Variants in WDFY4 observed in about 807,000 individuals in gnomAD.
The protein encoded by WDFY4 is WD repeat- and FYVE domain-containing protein 4.
Under a neutral mutation model 351.9 loss-of-function variants are expected in WDFY4, and 169 were observed. The observed-to-expected ratio is 0.48, with a 90% CI of 0.42 to 0.55. The LOEUF is 0.55. Ranked by LOEUF, WDFY4 falls within the 20% of genes least tolerant of loss-of-function variation. The pLI, the probability that WDFY4 is intolerant of heterozygous loss-of-function variation, is 0.00. For missense variants in WDFY4, 3,803 were observed against 3,935.6 expected (o/e 0.97, Z 0.90); for synonymous variants, 1,622 against 1,574.6 (o/e 1.03, Z -0.71).
Position 48,817,358 on chromosome 10 carries a change from G to A in WDFY4, c.5454G>A (p.Pro1818=), listed in dbSNP as rs188432016. ...CCCAGGACCCAGCGTGGCGAGCCCC[G>A]GAGTTCCTCCAGACCTTGGCCATAG... ...TYPQDPAWRA[P]EFLQTLAIAA... is the part of the protein sequence containing the mutation. The change falls in exon 32 of 62, where the codon CCG becomes CCA. Residue 1818 remains proline (P), a synonymous_variant. Transcript: ENST00000325239. 1.2e-4 allele frequency: 181 copies of A among 1,551,626 alleles called. 2 individuals carry two copies. The East Asian group carries it at 3.5e-3, about 30-fold the overall frequency.
rs200011065 is a variant in WDFY4, at chr10:48,787,944, T to C, written c.3809-586T>C. 6.5e-3 allele frequency among the ~76,000 whole-genome samples: 632 copies of C among 96,956 alleles called. 5 individuals are homozygous for C. The highest frequency in any genetic ancestry group is 0.019 in the Middle Eastern group (5 of 262). 63.6% of individuals were successfully genotyped at this position (96,956 alleles called of 152,430 possible). On this transcript the variant is annotated intron_variant, in intron 20 of 61. Coordinates refer to ENST00000325239, the MANE Select transcript of WDFY4 (RefSeq NM_001394531.1). ...TTCTTCTTCTTCTTCTTCTTCTTCT[T>C]CTTCTTCTTCTTCTTCTTCTTCTTC...
intron 23 of WDFY4, among the ~76,000 whole-genome samples, chr10:48,793,273 C>T (rs1176905262): frequency 6.6e-6 from 1 of 152,144 alleles, no homozygotes; most frequent in East Asian, 1.9e-4. Flanking sequence ...CTCTCAGATA[C>T]CTCCTTTGAG....
At chr10:48,935,903 C>T (rs1190359931) in intron 47 of WDFY4, among the ~76,000 whole-genome samples, 1 of 149,320 alleles carries the variant, frequency 6.7e-6, no homozygotes, top group Admixed American at 6.7e-5. Flanking sequence ...CATCTATGGT[C>T]TTTTTTTTTT....
At chr10:48,877,458 T>C (rs2070065798) in intron 43 of WDFY4, among the ~76,000 whole-genome samples, 1 of 152,220 alleles carries the variant, frequency 6.6e-6, no homozygotes, top group Non-Finnish European at 1.5e-5. Context: ...TGAAAAATAC[T>C]CTAACTTCCT....
chr10:48,833,501 A>G (rs1157107928), intron 39 of WDFY4, among the ~76,000 whole-genome samples: 2 of 152,200 alleles, frequency 1.3e-5, no homozygotes, highest in African/African-American at 2.4e-5. Flanking sequence ...TTCAGGAGCC[A>G]TGCAGTGTCA....
intron 4 of WDFY4, among the ~76,000 whole-genome samples, chr10:48,722,179 G>T (rs994642072): frequency 6.6e-6 from 1 of 152,188 alleles, no homozygotes; most frequent in Non-Finnish European, 1.5e-5. Flanking sequence ...CCAGGGGGTG[G>T]TACATGACCT....
chr10:48,775,827 G>C lies in WDFY4; in HGVS notation c.2863+21G>C. 4 of 1,542,328 alleles carry C rather than the reference G, an allele frequency of 2.6e-6. No homozygotes were observed. In the South Asian group the frequency reaches 3.6e-5, roughly 14 times the overall value. ...CTCAGGTGAGGACAGTGGCAAGAAC[G>C]GGGCAGGTTAATGGGAAGTAAAAGA... is the stretch of plus-strand genomic sequence containing the variant. On this transcript the variant is annotated intron_variant, in intron 15 of 61. Transcript: ENST00000325239.
intron 39 of WDFY4, among the ~76,000 whole-genome samples, chr10:48,858,128 T>C (rs973117162): frequency 3.3e-5 from 5 of 152,210 alleles, no homozygotes; most frequent in African/African-American, 1.2e-4. Flanking sequence ...TCATATATTT[T>C]AGATGTTAAT....
In WDFY4 at chr10:48,981,349, C is replaced by T. The variant is rs1231372950; in HGVS notation, c.9377-18C>T. 5 of 1,551,134 alleles carry T rather than the reference C, an allele frequency of 3.2e-6. 1 individual carries two copies. In the South Asian group the frequency reaches 4.8e-5, roughly 15 times the overall value. On this transcript the variant is annotated intron_variant, in intron 60 of 61. Transcript: ENST00000325239. ...GCCGATCTGGCGTTCTAACTCTTCT[C>T]TCACATGCTCCACACAGGCCACAAG...
At position 48,774,615 on chromosome 10, in the gene WDFY4, G is replaced by A. The variant is rs1037115194; in HGVS notation, c.2711G>A (p.Arg904His). 3.9e-5 allele frequency: 61 copies of A among 1,551,602 alleles called. No individual in the cohort carries two copies. The Middle Eastern group carries it at 6.7e-4, about 17-fold the overall frequency. ...ACCAGTGGCAGCCCCCTCCACTCACGCCTCATCAGGATCTTTGAGAAGCTC... is the reference window on the plus strand; with the variant it reads ...ACCAGTGGCAGCCCCCTCCACTCACACCTCATCAGGATCTTTGAGAAGCTC... ...LVTSGSPLHS[R>H]LIRIFEKLAS... The change falls in exon 14 of 62, where the codon CGC becomes CAC. Residue 904 changes from arginine (R) to histidine (H), a missense_variant. By Grantham distance (29) the Arg-to-His change is conservative. Coordinates refer to ENST00000325239, the MANE Select transcript of WDFY4 (RefSeq NM_001394531.1).
At chr10:48,813,909 T>C in intron 30 of WDFY4, 48 bp from the exon 31 acceptor site, 1 of 1,454,118 alleles carries the variant, frequency 6.9e-7, no homozygotes. Flanking sequence ...GCTCGTTCTC[T>C]TGGTGAGTAG....
At chr10:48,786,340 A>G (rs1380777501) in intron 19 of WDFY4, among the ~76,000 whole-genome samples, 4 of 152,208 alleles carry the variant, frequency 2.6e-5, no homozygotes, top group Non-Finnish European at 5.9e-5. Flanking sequence ...TTAATTTGCC[A>G]ATACTAGACA....
chr10:48,858,835 CATG>C (rs1283245462), intron 39 of WDFY4, among the ~76,000 whole-genome samples: 1 of 152,152 alleles, frequency 6.6e-6, no homozygotes, highest in Non-Finnish European at 1.5e-5. Context: ...AATTCATGAA[CATG>C]ATATGTTTTT....
At chr10:48,800,807 A>G (rs942499512) in intron 24 of WDFY4, among the ~76,000 whole-genome samples, 61 of 146,052 alleles carry the variant, frequency 4.2e-4, no homozygotes, top group African/African-American at 1.4e-3. Context: ...ATCTCAGCTC[A>G]CTGCAACCTC....
intron 7 of WDFY4, 26 bp from the exon 8 acceptor site, chr10:48,729,406 G>A (rs991306793): frequency 1.3e-6 from 2 of 1,549,340 alleles, no homozygotes; most frequent in African/African-American, 1.4e-5. Context: ...GGAAGTACAG[G>A]GAGCTGGCCT....
chr10:48,793,087 A>T (rs1230439653), intron 23 of WDFY4, among the ~76,000 whole-genome samples: 1 of 152,232 alleles, frequency 6.6e-6, no homozygotes, highest in African/African-American at 2.4e-5. Context: ...AGAGACAAGG[A>T]GTGGCCCAAG....
chr10:48,731,101 C>T lies in WDFY4; in HGVS notation c.1130-9C>T. The T allele has an allele frequency of 1.3e-6, 2 of 1,511,702 alleles. No homozygotes were observed. Among genetic ancestry groups the T allele is most frequent in the Non-Finnish European group, 1.8e-6 (2 of 1,124,760 alleles). 93.6% of individuals were successfully genotyped at this position (1,511,702 alleles called of 1,614,324 possible). A position where few individuals can be genotyped will look rare whatever the true frequency, so the allele number is the denominator to read the frequency against. On this transcript the variant is annotated splice_polypyrimidine_tract_variant and intron_variant, in intron 8 of 61. Coordinates refer to ENST00000325239, the MANE Select transcript of WDFY4 (RefSeq NM_001394531.1). ...TGACTTGTAAGATCATTCTTGTTTT[C>T]CTCCTCAGGGGTGACTGTTAAGAAT...
intron 1 of WDFY4, among the ~76,000 whole-genome samples, chr10:48,694,484 T>C (rs1437236185): frequency 1.3e-5 from 2 of 150,524 alleles, no homozygotes; most frequent in African/African-American, 2.4e-5. Flanking sequence ...TCCACCCCCA[T>C]GTATTAGAGC....
At chr10:48,705,832 C>T (rs929911140) in intron 1 of WDFY4, among the ~76,000 whole-genome samples, 4 of 152,232 alleles carry the variant, frequency 2.6e-5, no homozygotes, top group Non-Finnish European at 5.9e-5. Context: ...CATCGCAGTT[C>T]CATATTCTGC....
Sources: allele counts gnomAD v4.1 joint callset (sites outside exome capture counted in the v4.1 genomes callset), GRCh38; gene constraint gnomAD v4.1.1; transcripts MANE v1.5; gene names NCBI Gene and HGNC (gene_info 2026-07-23, HGNC 2026-07-21).